Variants in PTPRD observed in about 807,000 individuals in gnomAD.
The protein encoded by PTPRD is receptor-type tyrosine-protein phosphatase delta.
A neutral mutation model predicts 214.5 loss-of-function variants in PTPRD; 34 were observed. The observed-to-expected ratio is 0.16, with a 90% CI of 0.12 to 0.21. The LOEUF (loss-of-function observed/expected upper bound fraction) is 0.21, where lower values mean the gene tolerates loss of function less well. PTPRD is among the 10% of genes least tolerant of loss of function. The pLI is 1.00. For missense variants in PTPRD, 2,545 were observed against 2,398.7 expected (o/e 1.06, Z -1.27); for synonymous variants, 1,128 against 845.7 (o/e 1.33, Z -5.79).
chr9:9,008,431 G>A (rs1027933956), intron 11 of PTPRD, among the ~76,000 whole-genome samples: 2 of 151,778 alleles, frequency 1.3e-5, no homozygotes. Context: ...GTTTCACCGT[G>A]TTAGCCAGGA....
chr9:8,406,573 T>C (rs1305675453), intron 35 of PTPRD, among the ~76,000 whole-genome samples: 2 of 151,640 alleles, frequency 1.3e-5, no homozygotes, highest in African/African-American at 2.4e-5. Flanking sequence ...GCTTTCGTCA[T>C]CTTTGCATCT....
intron 8 of PTPRD, among the ~76,000 whole-genome samples, chr9:9,549,178 A>T (rs2079574578): frequency 1.3e-5 from 2 of 152,154 alleles, no homozygotes; most frequent in South Asian, 2.1e-4. Flanking sequence ...ATCATTTTTT[A>T]AAATTCACCT....
At chr9:8,824,119 T>C (rs1292442061) in intron 11 of PTPRD, among the ~76,000 whole-genome samples, 1 of 152,206 alleles carries the variant, frequency 6.6e-6, no homozygotes, top group African/African-American at 2.4e-5. Context: ...CTGTTACCTT[T>C]TATTAGCAAG....
intron 8 of PTPRD, among the ~76,000 whole-genome samples, chr9:9,500,480 A>G (rs548895562): frequency 3.9e-5 from 6 of 152,200 alleles, no homozygotes; most frequent in African/African-American, 1.2e-4. Flanking sequence ...GACTATAGAT[A>G]TTGAGGTTTG....
At chr9:8,380,433 A>G (rs1182707064) in intron 37 of PTPRD, among the ~76,000 whole-genome samples, 2 of 152,202 alleles carry the variant, frequency 1.3e-5, no homozygotes, top group African/African-American at 4.8e-5. Flanking sequence ...GCTGTGGTTT[A>G]GAAACATCAC....
intron 2 of PTPRD, among the ~76,000 whole-genome samples, chr9:10,583,322 T>C (rs1346435572): frequency 6.6e-6 from 1 of 151,316 alleles, no homozygotes; most frequent in Non-Finnish European, 1.5e-5. Flanking sequence ...TTTCTGTGTA[T>C]TGACTAAGGA....
At chr9:10,250,087 T>G (rs2092627868) in intron 3 of PTPRD, among the ~76,000 whole-genome samples, 1 of 152,162 alleles carries the variant, frequency 6.6e-6, no homozygotes, top group African/African-American at 2.4e-5. Flanking sequence ...CTTTTCATAT[T>G]CTATTTAAAT....
intron 2 of PTPRD, among the ~76,000 whole-genome samples, chr9:10,564,145 A>C (rs1591015936): frequency 1.0e-5 from 1 of 97,178 alleles, no homozygotes; most frequent in Admixed American, 1.3e-4. Flanking sequence ...ACTACTCGGG[A>C]GTGTGCACCA....
At chr9:9,092,078 G>C (rs928671042) in intron 10 of PTPRD, among the ~76,000 whole-genome samples, 3 of 152,160 alleles carry the variant, frequency 2.0e-5, no homozygotes, top group Non-Finnish European at 4.4e-5. Flanking sequence ...ATTTGACATG[G>C]TGAAGGTTTA....
chr9:10,056,296 G>A (rs969532914), intron 3 of PTPRD, among the ~76,000 whole-genome samples: 4 of 151,002 alleles, frequency 2.6e-5, no homozygotes, highest in Non-Finnish European at 4.4e-5. Context: ...ATTCCAACCT[G>A]GGTGACAGAG....
chr9:9,163,017 G>A (rs973394458), intron 10 of PTPRD, among the ~76,000 whole-genome samples: 4 of 151,822 alleles, frequency 2.6e-5, no homozygotes, highest in Admixed American at 6.6e-5. Context: ...GCCTCCTTCC[G>A]CACCAGCTTC....
At chr9:9,452,636 T>C (rs1247501562) in intron 8 of PTPRD, among the ~76,000 whole-genome samples, 1 of 151,312 alleles carries the variant, frequency 6.6e-6, no homozygotes, top group Admixed American at 6.6e-5. Context: ...TAAATTACTT[T>C]GAGCATTAAA....
intron 20 of PTPRD, among the ~76,000 whole-genome samples, chr9:8,519,131 G>C (rs907080413): frequency 6.6e-6 from 1 of 152,006 alleles, no homozygotes; most frequent in African/African-American, 2.4e-5. Flanking sequence ...TCAAATCAAT[G>C]CTTTATTCTT....
intron 4 of PTPRD, among the ~76,000 whole-genome samples, chr9:9,961,194 G>A (rs2154024097): frequency 6.6e-6 from 1 of 151,974 alleles, no homozygotes; most frequent in East Asian, 2.0e-4. Flanking sequence ...TAGCTCACAA[G>A]CAGATACATA....
At chr9:8,998,250 C>T (rs914377111) in intron 11 of PTPRD, among the ~76,000 whole-genome samples, 3 of 152,184 alleles carry the variant, frequency 2.0e-5, no homozygotes, top group African/African-American at 7.2e-5. Context: ...AAGTCAATGC[C>T]TGGCTTCAGT....
At position 9,535,159 on chromosome 9, in the gene PTPRD, C is replaced by T. The variant is rs945699877; in HGVS notation, c.-237+39573G>A. ...CTGCCTCGTGAACTTCTGCCCGTCT[C>T]AGGAGTAATTTACTCTGTGGATTTG... is the stretch of plus-strand genomic sequence containing the variant. On this transcript the variant is annotated intron_variant, in intron 8 of 45. Coordinates refer to ENST00000381196, the MANE Select transcript of PTPRD (RefSeq NM_002839.4). Among the ~76,000 whole-genome samples the T allele has an allele frequency of 9.9e-5, 15 of 152,148 alleles. No individual in the cohort carries two copies. The East Asian group carries it at 2.9e-3, about 30-fold the overall frequency.
intron 34 of PTPRD, among the ~76,000 whole-genome samples, chr9:8,446,585 G>C (rs1267746962): frequency 6.6e-6 from 1 of 152,122 alleles, no homozygotes; most frequent in Non-Finnish European, 1.5e-5. Context: ...TTCATTGAAA[G>C]ACATTTTTTG....
chr9:9,207,272 A>T (rs952123404), intron 9 of PTPRD, among the ~76,000 whole-genome samples: 7 of 152,204 alleles, frequency 4.6e-5, no homozygotes, highest in African/African-American at 1.7e-4. Context: ...TTAGATATTT[A>T]ATAGACAACC....
At chr9:8,752,236 G>A (rs777428714) in intron 11 of PTPRD, among the ~76,000 whole-genome samples, 49 of 152,172 alleles carry the variant, frequency 3.2e-4, no homozygotes, top group Middle Eastern at 3.2e-3. Context: ...AGATCTTGCT[G>A]ATAAGGCAGC....
Sources: allele counts gnomAD v4.1 joint callset (sites outside exome capture counted in the v4.1 genomes callset), GRCh38; gene constraint gnomAD v4.1.1; transcripts MANE v1.5; gene names NCBI Gene and HGNC (gene_info 2026-07-23, HGNC 2026-07-21).